Variants in OXR1 observed in about 807,000 individuals in gnomAD.
OXR1 encodes oxidation resistance 1.
OXR1 carries 41 observed loss-of-function variants against 104.6 expected under a neutral mutation model. That is an observed-to-expected ratio of 0.39 (90% CI 0.31 to 0.51). The LOEUF is 0.51. Ranked by LOEUF, OXR1 falls within the 20% of genes least tolerant of loss-of-function variation. The probability of loss-of-function intolerance (pLI) is 0.77; values close to 1 mark genes in which losing one functional copy is unlikely to be tolerated. For missense variants in OXR1, 955 were observed against 1,031.9 expected, an observed-to-expected ratio of 0.93 and a Z score of 1.02; for synonymous variants, 348 against 348.4, an observed-to-expected ratio of 1.00 and a Z score of 0.01.
At chr8:106,482,417 GA>G (rs5893792) in intron 2 of OXR1, among the ~76,000 whole-genome samples, 6 of 145,028 alleles carry the variant, frequency 4.1e-5, no homozygotes, top group African/African-American at 1.0e-4. Flanking sequence ...GGAACTGGGG[GA>G]AAAAAAAAAA....
intron 2 of OXR1, among the ~76,000 whole-genome samples, chr8:106,407,138 T>C (rs1248172177): frequency 2.0e-5 from 3 of 152,192 alleles, no homozygotes. Context: ...TCTCTTTTTT[T>C]GTGGAAACAT....
At chr8:106,465,611 A>C (rs1821131641) in intron 2 of OXR1, among the ~76,000 whole-genome samples, 1 of 151,940 alleles carries the variant, frequency 6.6e-6, no homozygotes, top group South Asian at 2.1e-4. Flanking sequence ...ATTATTGATA[A>C]ATTTTGAAAG....
intron 3 of OXR1, among the ~76,000 whole-genome samples, chr8:106,594,562 T>C (rs1424299112): frequency 6.6e-6 from 1 of 152,210 alleles, no homozygotes; most frequent in Non-Finnish European, 1.5e-5. Context: ...GACCTCCTAG[T>C]GTTCTCATCT....
chr8:106,302,408 C>T (rs1023390991), intron 1 of OXR1, among the ~76,000 whole-genome samples: 3 of 151,928 alleles, frequency 2.0e-5, no homozygotes, highest in African/African-American at 7.3e-5. Flanking sequence ...CGGTGAAACC[C>T]CGTCTCTACT....
intron 1 of OXR1, among the ~76,000 whole-genome samples, chr8:106,326,066 T>C (rs1207347407): frequency 6.6e-6 from 1 of 152,250 alleles, no homozygotes. Flanking sequence ...GTTGCTTTGC[T>C]GTCTTTGGAA....
chr8:106,507,401 A>G lies in OXR1; in HGVS notation c.24-11542A>G, dbSNP rs528528624. 2.0e-5 allele frequency among the ~76,000 whole-genome samples: 3 copies of G among 152,368 alleles called. No homozygotes were observed. In the South Asian group the frequency reaches 6.2e-4, roughly 32 times the overall value. On this transcript the variant is annotated intron_variant, in intron 2 of 16. Coordinates refer to ENST00000517566, the MANE Select transcript of OXR1 (RefSeq NM_001198533.2). ...GCAAGTGTCGAATGCCAGGCATTCT[A>G]ACTTCAGAGTCCATAGTCTTAACCC... is the stretch of plus-strand genomic sequence containing the variant.
intron 1 of OXR1, among the ~76,000 whole-genome samples, chr8:106,282,579 A>G (rs1006371890): frequency 6.6e-6 from 1 of 152,228 alleles, no homozygotes; most frequent in Non-Finnish European, 1.5e-5. Flanking sequence ...TGTATTATAT[A>G]CTGTATTCTT....
At chr8:106,506,963 C>T (rs931379565) in intron 2 of OXR1, among the ~76,000 whole-genome samples, 2 of 151,894 alleles carry the variant, frequency 1.3e-5, no homozygotes, top group African/African-American at 4.8e-5. Context: ...GTGGTGTGCC[C>T]CTGTAGTCCC....
intron 2 of OXR1, among the ~76,000 whole-genome samples, chr8:106,404,405 G>A (rs1220453363): frequency 3.3e-5 from 5 of 152,140 alleles, no homozygotes; most frequent in Non-Finnish European, 7.3e-5. Context: ...TAACAGTAGA[G>A]AACCTGTGAG....
chr8:106,341,070 G>A (rs1389713422), intron 1 of OXR1, among the ~76,000 whole-genome samples: 1 of 152,076 alleles, frequency 6.6e-6, no homozygotes, highest in African/African-American at 2.4e-5. Context: ...TTCAACTGCT[G>A]CTACTAAAAG....
intron 2 of OXR1, among the ~76,000 whole-genome samples, chr8:106,394,024 A>C (rs1244561002): frequency 2.0e-5 from 3 of 152,118 alleles, no homozygotes; most frequent in Non-Finnish European, 4.4e-5. Context: ...GAAATAGTAG[A>C]AAATTATTTT....
intron 2 of OXR1, among the ~76,000 whole-genome samples, chr8:106,414,611 T>C (rs1000795378): frequency 6.6e-6 from 1 of 152,102 alleles, no homozygotes; most frequent in Non-Finnish European, 1.5e-5. Context: ...GCATTGCTCA[T>C]GTAGACGGAT....
At chr8:106,288,516 G>A (rs1387215718) in intron 1 of OXR1, among the ~76,000 whole-genome samples, 1 of 123,218 alleles carries the variant, frequency 8.1e-6, no homozygotes, top group African/African-American at 3.8e-5. Context: ...ATATGTGTGT[G>A]TATATATATA....
At chr8:106,556,865 C>G (rs1206424409) in intron 3 of OXR1, among the ~76,000 whole-genome samples, 2 of 152,188 alleles carry the variant, frequency 1.3e-5, no homozygotes, top group Non-Finnish European at 2.9e-5. Context: ...TTCTAACTCA[C>G]TGTGTTTCCT....
intron 11 of OXR1, among the ~76,000 whole-genome samples, chr8:106,724,469 C>A (rs997051114): frequency 6.6e-6 from 1 of 152,102 alleles, no homozygotes. Context: ...TGGATGACTT[C>A]GAGAAACAGA....
At chr8:106,441,758 A>G (rs1044561424) in intron 2 of OXR1, among the ~76,000 whole-genome samples, 1 of 152,184 alleles carries the variant, frequency 6.6e-6, no homozygotes, top group Non-Finnish European at 1.5e-5. Flanking sequence ...ATTTTCACAC[A>G]TTGATTTTGT....
At chr8:106,698,767 C>A (rs1341184228) in intron 7 of OXR1, among the ~76,000 whole-genome samples, 1 of 152,024 alleles carries the variant, frequency 6.6e-6, no homozygotes, top group Non-Finnish European at 1.5e-5. Flanking sequence ...GTATAATCTT[C>A]TATATTGTTG....
At chr8:106,677,419 A>G (rs1329974316) in intron 3 of OXR1, among the ~76,000 whole-genome samples, 2 of 152,140 alleles carry the variant, frequency 1.3e-5, no homozygotes, top group Non-Finnish European at 2.9e-5. Context: ...AGCAAAAATA[A>G]TATTCTTTAT....
rs200863692 is a variant in OXR1 at position 106,679,222 on chromosome 8, A to G, written c.233A>G (p.Lys78Arg). The G allele has an allele frequency of 9.6e-5, 154 of 1,608,516 alleles. No individual in the cohort carries two copies. In the East Asian group the frequency reaches 2.4e-3, roughly 25 times the overall value. The change falls in exon 4 of 17, where the codon AAG becomes AGG. Residue 78 changes from lysine (K) to arginine (R), a missense_variant. Around this residue, in one of 2 missense-constraint regions of OXR1, gnomAD observed 849 missense variants for 852.9 expected, o/e 1.00. Transcript: ENST00000517566. ...CTTTTTTTCCCAGACACTGGCCAAA[A>G]GAAGACCCTAGACAAGAAAGATGGA... ...KRFYTIDTGQ[K>R]KTLDKKDGRR...
Sources: allele counts gnomAD v4.1 joint callset (sites outside exome capture counted in the v4.1 genomes callset), GRCh38; gene constraint gnomAD v4.1.1; regional missense constraint gnomAD v4.1.1; transcripts MANE v1.5; gene names NCBI Gene and HGNC (gene_info 2026-07-23, HGNC 2026-07-21).